The following BCKDHB variants were observed in gnomAD, a reference collection of about 807,000 sequenced individuals.
BCKDHB encodes 2-oxoisovalerate dehydrogenase subunit beta, mitochondrial.
Under a neutral mutation model 48.5 loss-of-function variants are expected in BCKDHB, and 41 were observed. That is an observed-to-expected ratio of 0.85 (90% CI 0.66 to 1.10). The LOEUF is 1.10. Among genes scored for constraint, BCKDHB ranks in the 50% least tolerant of loss-of-function variants. The pLI, the probability that BCKDHB is intolerant of heterozygous loss-of-function variation, is 0.00. For missense variants in BCKDHB, 496 were observed against 494.2 expected, an observed-to-expected ratio of 1.00 and a Z score of -0.03; for synonymous variants, 201 against 174.8, an observed-to-expected ratio of 1.15 and a Z score of -1.18.
At chr6:80,340,636 A>G (rs1223845687) in intron 9 of BCKDHB, among the ~76,000 whole-genome samples, 2 of 152,242 alleles carry the variant, frequency 1.3e-5, no homozygotes, top group African/African-American at 4.8e-5. Context: ...ATGGAACAGA[A>G]GAATATGATT....
chr6:80,200,461 A>G (rs963168583), intron 6 of BCKDHB, among the ~76,000 whole-genome samples: 1 of 152,184 alleles, frequency 6.6e-6, no homozygotes, highest in Non-Finnish European at 1.5e-5. Context: ...TGATCTGAGA[A>G]CTTAATTCAG....
chr6:80,167,542 A>G lies in BCKDHB; in HGVS notation c.344-136A>G, dbSNP rs1258118183. ...CAGGTGTGAGCCACCGTGGCTAGCCATACTCTTTATTTTCTGTTTCCTCTA... is the reference window on the plus strand; with the variant it reads ...CAGGTGTGAGCCACCGTGGCTAGCCGTACTCTTTATTTTCTGTTTCCTCTA... On this transcript the variant is annotated intron_variant, in intron 3 of 9. Coordinates refer to ENST00000320393, the MANE Select transcript of BCKDHB (RefSeq NM_183050.4). 5 of 963,462 alleles carry G rather than the reference A, an allele frequency of 5.2e-6. No homozygotes were observed. In the African/African-American group the frequency reaches 8.2e-5, roughly 16 times the overall value. The allele number at this position is 963,462 out of a possible 1,614,324, so 59.7% of individuals were successfully genotyped here.
chr6:80,382,440 A>T, the BCKDHB span, among the ~76,000 whole-genome samples: 1 of 152,182 alleles, frequency 6.6e-6, no homozygotes, highest in African/African-American at 2.4e-5. Context: ...CATTATTAAC[A>T]TCTAATTTAT....
downstream of BCKDHB, among the ~76,000 whole-genome samples, chr6:80,349,861 T>C (rs1770345675): frequency 1.3e-5 from 2 of 152,122 alleles, no homozygotes; most frequent in Non-Finnish European, 2.9e-5. Flanking sequence ...ATTTGATAGA[T>C]GAAGTAGACT....
At chr6:80,305,454 T>C (rs1418020289) in intron 9 of BCKDHB, among the ~76,000 whole-genome samples, 2 of 152,182 alleles carry the variant, frequency 1.3e-5, no homozygotes, top group African/African-American at 4.8e-5. Flanking sequence ...AAAATGTTTT[T>C]TAAAAGACTG....
chr6:80,281,367 T>C (rs1468022797), intron 9 of BCKDHB, among the ~76,000 whole-genome samples: 1 of 152,138 alleles, frequency 6.6e-6, no homozygotes, highest in Admixed American at 6.6e-5. Flanking sequence ...AGCCATTACA[T>C]GAGACAAGTG....
the BCKDHB span, among the ~76,000 whole-genome samples, chr6:80,408,564 T>G: frequency 3.3e-5 from 5 of 152,206 alleles, no homozygotes; most frequent in Non-Finnish European, 7.3e-5. Context: ...GAGATTCAAC[T>G]TCTTCCTGGT....
At chr6:80,379,477 C>T in the BCKDHB span, among the ~76,000 whole-genome samples, 1 of 152,012 alleles carries the variant, frequency 6.6e-6, no homozygotes, top group Non-Finnish European at 1.5e-5. Flanking sequence ...ATGACAACCC[C>T]ATAGTCAACA....
At chr6:80,401,227 T>C in the BCKDHB span, among the ~76,000 whole-genome samples, 1 of 151,842 alleles carries the variant, frequency 6.6e-6, no homozygotes, top group Non-Finnish European at 1.5e-5. Flanking sequence ...AAAGATTTTT[T>C]AAAATTAAAA....
intron 6 of BCKDHB, among the ~76,000 whole-genome samples, chr6:80,180,415 TGAG>T (rs1773357707): frequency 6.6e-6 from 1 of 151,960 alleles, no homozygotes; most frequent in African/African-American, 2.4e-5. Context: ...TCAAAAAGAG[TGAG>T]TCAGTGTGAC....
At chr6:80,226,402 A>C (rs1217875803) in intron 8 of BCKDHB, among the ~76,000 whole-genome samples, 2 of 152,200 alleles carry the variant, frequency 1.3e-5, no homozygotes, top group Admixed American at 1.3e-4. Context: ...CATGACTATT[A>C]ATCTTGAGAG....
the BCKDHB span, among the ~76,000 whole-genome samples, chr6:80,427,327 A>G: frequency 7.9e-5 from 12 of 152,204 alleles, no homozygotes; most frequent in Middle Eastern, 3.6e-3. Flanking sequence ...CAATAATACT[A>G]TAACACTTTA....
intron 9 of BCKDHB, among the ~76,000 whole-genome samples, chr6:80,340,266 A>C (rs1474118307): frequency 6.6e-6 from 1 of 152,126 alleles, no homozygotes; most frequent in Non-Finnish European, 1.5e-5. Flanking sequence ...GGCGGTACTA[A>C]ATTGTTGTTT....
chr6:80,388,690 C>T, the BCKDHB span, among the ~76,000 whole-genome samples: 17 of 152,174 alleles, frequency 1.1e-4, no homozygotes, highest in African/African-American at 4.1e-4. Context: ...CCTTCTCTCT[C>T]TCAGCCTGCA....
At chr6:80,245,669 C>T (rs1282421794) in intron 8 of BCKDHB, among the ~76,000 whole-genome samples, 3 of 152,164 alleles carry the variant, frequency 2.0e-5, no homozygotes, top group Non-Finnish European at 2.9e-5. Context: ...ATATTGACTT[C>T]TGGGTTGAGT....
intron 3 of BCKDHB, among the ~76,000 whole-genome samples, chr6:80,165,052 A>G (rs1772504173): frequency 6.6e-6 from 1 of 152,146 alleles, no homozygotes; most frequent in South Asian, 2.1e-4. Context: ...GAGTTCTGAG[A>G]AACTCACTTT....
In BCKDHB at chr6:80,328,568, G is replaced by A. The variant is rs569008453; in HGVS notation, c.1039-15096G>A. 1.8e-4 allele frequency among the ~76,000 whole-genome samples: 27 copies of A among 152,204 alleles called. 1 individual carries two copies. Among genetic ancestry groups the A allele is most frequent in the African/African-American group, 4.3e-4 (18 of 41,536 alleles). ...AAGAGATCAGTGCATATCTAGAGGC[G>A]ACATAGTAGAATTTTCAAACAATCA... On this transcript the variant is annotated intron_variant, in intron 9 of 9. Coordinates refer to ENST00000320393, the MANE Select transcript of BCKDHB (RefSeq NM_183050.4).
intron 8 of BCKDHB, among the ~76,000 whole-genome samples, chr6:80,266,243 G>A (rs1777508827): frequency 6.6e-6 from 1 of 152,048 alleles, no homozygotes; most frequent in Admixed American, 6.6e-5. Context: ...TTAGGAATAA[G>A]TTTATGAAAA....
the BCKDHB span, among the ~76,000 whole-genome samples, chr6:80,432,546 C>T: frequency 6.6e-6 from 1 of 152,086 alleles, no homozygotes; most frequent in Non-Finnish European, 1.5e-5. Context: ...CATTTATGTT[C>T]TCTAAACTGG....
Sources: allele counts gnomAD v4.1 joint callset (sites outside exome capture counted in the v4.1 genomes callset), GRCh38; gene constraint gnomAD v4.1.1; transcripts MANE v1.5; gene names NCBI Gene and HGNC (gene_info 2026-07-23, HGNC 2026-07-21).